Variants in EPC1 observed in about 807,000 individuals in gnomAD.
The protein encoded by EPC1 is enhancer of polycomb 1.
EPC1 carries 12 observed loss-of-function variants against 98.4 expected under a neutral mutation model. That is an observed-to-expected ratio of 0.12 (90% CI 0.08 to 0.20). The LOEUF (loss-of-function observed/expected upper bound fraction) is 0.20. EPC1 is among the 10% of genes least tolerant of loss of function. The pLI is 1.00. For synonymous variants in EPC1, 357 were observed against 363.9 expected, an observed-to-expected ratio of 0.98 and a Z score of 0.21; for missense variants, 729 against 990.5, an observed-to-expected ratio of 0.74 and a Z score of 3.54.
At position 32,284,983 on chromosome 10, in the gene EPC1, A is replaced by C. The variant is rs1329871733; in HGVS notation, c.1459T>G (p.Ser487Ala). ...TTGACTGGAGAATGTTGTGGTGAGG[A>C]AAGCATTTCCAAATCCAGATGGTGA... ...VFHHLDLEML[S>A]SPQHSPVNQF... Residue 487 changes from serine to alanine, a missense_variant, in exon 10 of 14, where the codon TCC (serine) becomes GCC (alanine). By Grantham distance (99) the Ser-to-Ala change is moderately conservative. Coordinates refer to ENST00000319778, the MANE Select transcript of EPC1 (RefSeq NM_001272004.3). 5 of 1,614,132 alleles carry C rather than the reference A, an allele frequency of 3.1e-6. No individual in the cohort carries two copies. The Admixed American group carries it at 8.3e-5, about 27-fold the overall frequency.
At chr10:32,294,339 G>A (rs892929000) in intron 2 of EPC1, among the ~76,000 whole-genome samples, 3 of 152,100 alleles carry the variant, frequency 2.0e-5, no homozygotes, top group African/African-American at 7.2e-5. Context: ...ATTTCTTGAG[G>A]GTGGGACCCA....
chr10:32,292,657 A>C lies in EPC1; in HGVS notation c.667-13T>G, dbSNP rs746720210. ...CATTTTTGCGATTCTGCAAATGTGA[A>C]GTTGCTTGTTTAATGTTAGTAAGTA... On this transcript the variant is annotated splice_polypyrimidine_tract_variant and intron_variant, in intron 4 of 13. Coordinates refer to ENST00000319778, the MANE Select transcript of EPC1 (RefSeq NM_001272004.3). 6.2e-7 allele frequency: 1 copy of C among 1,601,498 alleles called. No homozygotes were observed.
intron 6 of EPC1, among the ~76,000 whole-genome samples, chr10:32,289,364 G>GT (rs927874276): frequency 8.7e-5 from 11 of 126,958 alleles, no homozygotes; most frequent in Non-Finnish European, 1.8e-4. Flanking sequence ...AAAAGTCCAT[G>GT]TTTTTTCACA....
At chr10:32,353,410 C>CT (rs765541075) in intron 1 of EPC1, among the ~76,000 whole-genome samples, 12 of 152,190 alleles carry the variant, frequency 7.9e-5, no homozygotes, top group Admixed American at 2.0e-4. Context: ...TTAGGGCTGT[C>CT]TTTTTCTGAG....
intron 1 of EPC1, among the ~76,000 whole-genome samples, chr10:32,363,589 TAA>T (rs1042193676): frequency 1.3e-5 from 2 of 152,236 alleles, no homozygotes; most frequent in African/African-American, 4.8e-5. Context: ...TCTGAATTTT[TAA>T]AAAAGTGTTC....
At chr10:32,336,459 T>C (rs1837982092) in intron 1 of EPC1, among the ~76,000 whole-genome samples, 1 of 152,082 alleles carries the variant, frequency 6.6e-6, no homozygotes, top group African/African-American at 2.4e-5. Flanking sequence ...TCTACCTACT[T>C]TGTGCTGGAA....
In EPC1 at chr10:32,268,906, A is replaced by G; in HGVS notation, c.*157T>C. 1 of 610,878 alleles carries G rather than the reference A, an allele frequency of 1.6e-6. No individual in the cohort carries two copies. The highest frequency in any genetic ancestry group is 2.2e-5 in the South Asian group (1 of 45,640). The allele number at this position is 610,878 out of a possible 1,614,324, so 37.8% of individuals were successfully genotyped here. A position where few individuals can be genotyped will look rare whatever the true frequency, so the allele number is the denominator to read the frequency against. On this transcript the variant is annotated 3_prime_UTR_variant, in exon 14 of 14. Coordinates refer to ENST00000319778, the MANE Select transcript of EPC1 (RefSeq NM_001272004.3). ...GATTTTTTTCCTATTAACAGTAAGA[A>G]AAGAAAAATTGAAGCATGAGAGATG... is the stretch of plus-strand genomic sequence containing the variant.
At chr10:32,349,068 A>G (rs1427132000), upstream of EPC1, among the ~76,000 whole-genome samples, 2 of 152,178 alleles carry the variant, frequency 1.3e-5, no homozygotes, top group Non-Finnish European at 1.5e-5. Context: ...AGAATTGCCA[A>G]CTTCACTGTG....
intron 1 of EPC1, among the ~76,000 whole-genome samples, chr10:32,372,891 G>A (rs888407940): frequency 3.3e-5 from 5 of 152,216 alleles, no homozygotes; most frequent in Non-Finnish European, 7.3e-5. Context: ...GGGTGTGGTG[G>A]CGGGCGCCTG....
chr10:32,286,383 T>C (rs1564525025), intron 9 of EPC1: 3 of 351,968 alleles, frequency 8.5e-6, no homozygotes, highest in Non-Finnish European at 1.6e-5. Flanking sequence ...ATACACTGTG[T>C]GCAATCAGGA....
intron 2 of EPC1, among the ~76,000 whole-genome samples, chr10:32,297,724 A>G (rs1480984617): frequency 6.6e-6 from 1 of 152,204 alleles, no homozygotes; most frequent in Non-Finnish European, 1.5e-5. Context: ...AGGAAAAAGT[A>G]TACCATAACT....
At chr10:32,288,659 C>A (rs1300763981) in intron 6 of EPC1, among the ~76,000 whole-genome samples, 2 of 152,016 alleles carry the variant, frequency 1.3e-5, no homozygotes, top group East Asian at 1.9e-4. Flanking sequence ...CCTAAAGTAA[C>A]TTTCAAGTAT....
At chr10:32,376,507 T>A (rs934437472) in intron 1 of EPC1, among the ~76,000 whole-genome samples, 2 of 152,064 alleles carry the variant, frequency 1.3e-5, no homozygotes, top group Non-Finnish European at 2.9e-5. Flanking sequence ...CTAGCCTTGA[T>A]GGGGCATTTA....
chr10:32,306,568 T>A (rs1433935520), intron 1 of EPC1, among the ~76,000 whole-genome samples: 1 of 152,190 alleles, frequency 6.6e-6, no homozygotes, highest in Non-Finnish European at 1.5e-5. Context: ...CCAACTCCGA[T>A]ACTGAAACAG....
chr10:32,270,869 T>C (rs529662973), intron 13 of EPC1, among the ~76,000 whole-genome samples: 2 of 139,086 alleles, frequency 1.4e-5, no homozygotes, highest in Admixed American at 7.3e-5. Context: ...AGCATACCAG[T>C]GATGGGGCAG....
intron 1 of EPC1, among the ~76,000 whole-genome samples, chr10:32,333,295 G>C (rs1189909397): frequency 2.0e-5 from 3 of 152,186 alleles, no homozygotes; most frequent in Non-Finnish European, 4.4e-5. Flanking sequence ...AGCCGAGATC[G>C]TGCCACAGCC....
intron 1 of EPC1, among the ~76,000 whole-genome samples, chr10:32,328,206 G>C (rs1239078490): frequency 6.6e-6 from 1 of 152,204 alleles, no homozygotes; most frequent in Non-Finnish European, 1.5e-5. Context: ...TTAAAGAGAA[G>C]AGTCTCAGAG....
chr10:32,374,930 A>C (rs1335307671), intron 1 of EPC1, among the ~76,000 whole-genome samples: 1 of 152,162 alleles, frequency 6.6e-6, no homozygotes, highest in East Asian at 1.9e-4. Flanking sequence ...ATCTGCTTTT[A>C]TCTTTTTCAT....
Position 32,336,751 on chromosome 10 carries a change from GA to G in EPC1, c.153+10011del, listed in dbSNP as rs899590882. ...ATTTATCTGCCTTCCTTTCACAAAG[GA>G]AAAAAAAAAGTTCCTGTTGGAATTA... On this transcript the variant is annotated intron_variant, in intron 1 of 13. Transcript: ENST00000319778. Among the ~76,000 whole-genome samples, 1,024 of 147,654 alleles carry G rather than the reference GA, an allele frequency of 6.9e-3. 16 individuals are homozygous for G. Among genetic ancestry groups the G allele is most frequent in the African/African-American group, 0.024 (964 of 40,324 alleles).
Sources: allele counts gnomAD v4.1 joint callset (sites outside exome capture counted in the v4.1 genomes callset), GRCh38; gene constraint gnomAD v4.1.1; transcripts MANE v1.5; gene names NCBI Gene and HGNC (gene_info 2026-07-23, HGNC 2026-07-21).